The following KIF27 variants were observed in gnomAD, a reference collection of about 807,000 sequenced individuals.
KIF27 encodes kinesin family member 27.
A neutral mutation model predicts 141.8 loss-of-function variants in KIF27; 84 were observed. That is an observed-to-expected ratio of 0.59 (90% CI 0.50 to 0.71). The LOEUF (loss-of-function observed/expected upper bound fraction) is 0.71, where lower values mean the gene tolerates loss of function less well. KIF27 is among the 30% of genes least tolerant of loss of function. The probability of loss-of-function intolerance (pLI) is 0.00; values close to 1 mark genes in which losing one functional copy is unlikely to be tolerated. For missense variants in KIF27, 1,306 were observed against 1,628.4 expected (o/e 0.80, Z 3.41); for synonymous variants, 471 against 569.5 (o/e 0.83, Z 2.46).
At position 83,848,183 on chromosome 9, in the gene KIF27, A is replaced by ATC. The variant is rs796920648; in HGVS notation, c.3556+1915_3556+1916insGA. Among the ~76,000 whole-genome samples, 160 of 38,360 alleles carry ATC rather than the reference A, an allele frequency of 4.2e-3. 32 individuals carry two copies. Among genetic ancestry groups the ATC allele is most frequent in the East Asian group, 0.018 (34 of 1,932 alleles). 25.2% of individuals were successfully genotyped at this position (38,360 alleles called of 152,430 possible). A position where few individuals can be genotyped will look rare whatever the true frequency, so the allele number is the denominator to read the frequency against. The stretch of plus-strand genomic sequence containing the variant: ...ATATGATATATCTGATATATCATAT[A>ATC]TGATATATATGATATATCAGATATG... On this transcript the variant is annotated intron_variant, in intron 16 of 17. Transcript: ENST00000297814.
Position 83,915,378 on chromosome 9 carries a change from G to C in KIF27, c.214C>G (p.Leu72Val). ...NTCIKPLVLS[L>V]IEGYNATVFA... ...ACAGTTGCATTATAGCCCTCAATGA[G>C]TGACAACACTAGGGGCTTTATACAT... The change falls in exon 2 of 18, where the codon CTC becomes GTC. Residue 72 changes from leucine (L) to valine (V), a missense_variant. Coordinates refer to ENST00000297814, the MANE Select transcript of KIF27 (RefSeq NM_017576.4). 6.2e-7 allele frequency: 1 copy of C among 1,613,822 alleles called. No individual in the cohort carries two copies. The highest frequency in any genetic ancestry group is 8.5e-7 in the Non-Finnish European group (1 of 1,179,824).
intron 7 of KIF27, 28 bp from the exon 8 acceptor site, chr9:83,888,620 A>G: frequency 7.4e-7 from 1 of 1,355,376 alleles, no homozygotes; most frequent in South Asian, 1.3e-5. Context: ...AAGTTAACTT[A>G]TTTGTTCGTG....
intron 14 of KIF27, chr9:83,855,035 C>A (rs1361073053): frequency 1.3e-5 from 2 of 152,196 alleles, no homozygotes; most frequent in Admixed American, 1.3e-4. Flanking sequence ...ATGAATATTT[C>A]TTTCTTTTTT....
At chr9:83,853,856 T>C (rs1268617893) in intron 14 of KIF27, 21 bp from the exon 15 acceptor site, 2 of 1,515,334 alleles carry the variant, frequency 1.3e-6, no homozygotes, top group East Asian at 2.3e-5. Flanking sequence ...CAGAAATCAC[T>C]CATTTTAAAT....
Position 83,887,130 on chromosome 9 carries a change from C to T in KIF27, c.2150G>A (p.Arg717His), listed in dbSNP as rs766704130. ...TTTTTGTTTAGCTTCAGTAAGTATG[C>T]GTTCTGAATTCTTTAATTTTTGCAA... is the stretch of plus-strand genomic sequence containing the variant. Reference protein sequence around the residue: ...LNLQKLKNSERILTEAKQKMR... With the variant: ...LNLQKLKNSEHILTEAKQKMR... The change falls in exon 9 of 18, where the codon CGC becomes CAC. Residue 717 changes from arginine (R) to histidine (H), a missense_variant. Arg to His is a conservative substitution (Grantham distance 29). This residue lies in a region of KIF27 where 596 missense variants were observed against 751.6 expected (regional missense o/e 0.79). Transcript: ENST00000297814. The T allele has an allele frequency of 5.6e-6, 9 of 1,598,956 alleles. No homozygotes were observed. The Admixed American group carries it at 7.0e-5, about 12-fold the overall frequency.
At position 83,859,164 on chromosome 9, in the gene KIF27, A is replaced by ATAACACTC. The variant is rs1949598971; in HGVS notation, c.3134_3141dup (p.Ser1048GlufsTer57). On this transcript the variant is annotated frameshift_variant, in exon 14 of 18. Coordinates refer to ENST00000297814, the MANE Select transcript of KIF27 (RefSeq NM_017576.4). LOFTEE classifies it high-confidence loss of function. ...AAAGAATACTGACTTACTTCAGGTG[A>ATAACACTC]TAACACTCTACCATTTTTAAGTTTT... The ATAACACTC allele has an allele frequency of 6.2e-7, 1 of 1,609,704 alleles. No homozygotes were observed. Among genetic ancestry groups the ATAACACTC allele is most frequent in the Non-Finnish European group, 8.5e-7 (1 of 1,176,058 alleles).
intron 5 of KIF27, among the ~76,000 whole-genome samples, chr9:83,894,956 G>C (rs924097665): frequency 6.6e-6 from 1 of 152,026 alleles, no homozygotes; most frequent in Non-Finnish European, 1.5e-5. Context: ...TTAAAAATCA[G>C]ATCAATCGGC....
rs528384293 is a variant in KIF27 at position 83,863,184 on chromosome 9, T to C, written c.2935-3813A>G. 4.8e-3 allele frequency among the ~76,000 whole-genome samples: 731 copies of C among 152,262 alleles called. 2 individuals carry two copies. Among genetic ancestry groups the C allele is most frequent in the Middle Eastern group, 0.02 (6 of 294 alleles). On this transcript the variant is annotated intron_variant, in intron 13 of 17. Coordinates refer to ENST00000297814, the MANE Select transcript of KIF27 (RefSeq NM_017576.4). ...CCCTTTATTTCTTTCTCCTGCCTGA[T>C]TGCCCTGGCCAGAACTTCCAACACT...
intron 3 of KIF27, among the ~76,000 whole-genome samples, chr9:83,906,061 T>C (rs749829809): frequency 2.6e-5 from 4 of 152,222 alleles, no homozygotes; most frequent in Non-Finnish European, 5.9e-5. Flanking sequence ...TCCTGCTTGA[T>C]ATTTTACAAA....
intron 13 of KIF27, chr9:83,863,669 A>G (rs1449022264): frequency 6.6e-6 from 1 of 152,188 alleles, no homozygotes; most frequent in African/African-American, 2.4e-5. Flanking sequence ...AGGCTTTGTT[A>G]TCAGGATGAT....
chr9:83,899,720 G>C lies in KIF27; in HGVS notation c.1543C>G (p.Gln515Glu), dbSNP rs1953660182. ...GATACAGCATGCCCTTTGTTTTCCT[G>C]TACCATCATCTGCACTTGATTCTTC... ...ELKNQVQMMV[Q>E]ENKGHAVSLK... The change falls in exon 5 of 18, where the codon CAG becomes GAG. Residue 515 changes from glutamine to glutamate, a missense_variant. By Grantham distance (29) the Gln-to-Glu change is conservative. This residue lies in a region of KIF27 where 29 missense variants were observed against 60.3 expected (regional missense o/e 0.48). Transcript: ENST00000297814. 6.2e-7 allele frequency: 1 copy of C among 1,613,250 alleles called. No homozygotes were observed. The highest frequency in any genetic ancestry group is 1.7e-5 in the Admixed American group (1 of 59,978).
At chr9:83,860,926 T>C (rs1169305281) in intron 13 of KIF27, among the ~76,000 whole-genome samples, 1 of 151,980 alleles carries the variant, frequency 6.6e-6, no homozygotes, top group Non-Finnish European at 1.5e-5. Context: ...TAGCTTCACA[T>C]TTGATTGTTT....
At chr9:83,890,585 C>T (rs1952581807) in intron 6 of KIF27, among the ~76,000 whole-genome samples, 1 of 152,136 alleles carries the variant, frequency 6.6e-6, no homozygotes, top group Non-Finnish European at 1.5e-5. Context: ...AGTATTCATA[C>T]CACCCAAGGC....
chr9:83,900,965 CATTTATTT>C (rs1953821508), intron 4 of KIF27, among the ~76,000 whole-genome samples: 1 of 151,418 alleles, frequency 6.6e-6, no homozygotes, highest in Non-Finnish European at 1.5e-5. Context: ...TTTATTTATT[CATTTATTT>C]TTAGAGACAG....
At chr9:83,919,070 T>C (rs146626332) in intron 1 of KIF27, among the ~76,000 whole-genome samples, 1 of 151,654 alleles carries the variant, frequency 6.6e-6, no homozygotes, top group East Asian at 1.9e-4. Flanking sequence ...ACCAAGACTG[T>C]CTCAAACAAA....
In KIF27 at chr9:83,903,276, A is replaced by G; in HGVS notation, c.1242T>C (p.Cys414=). The stretch of plus-strand genomic sequence containing the variant: ...CCAGGAAGGTAAAGGCTTCTTCTAC[A>G]CAACACTGGTAACCCAGACATTCTC... The part of the protein sequence containing the change: ...LQGECLGYQC[C]VEEAFTFLVD... Residue 414 remains cysteine, a synonymous_variant, in exon 4 of 18, where the codon TGT becomes TGC. Coordinates refer to ENST00000297814, the MANE Select transcript of KIF27 (RefSeq NM_017576.4). 1 of 1,614,228 alleles carries G rather than the reference A, an allele frequency of 6.2e-7. No individual in the cohort carries two copies. The highest frequency in any genetic ancestry group is 8.5e-7 in the Non-Finnish European group (1 of 1,180,036).
At position 83,883,886 on chromosome 9, in the gene KIF27, G is replaced by C; in HGVS notation, c.2372C>G (p.Ser791Cys). 1 of 1,613,404 alleles carries C rather than the reference G, an allele frequency of 6.2e-7. No homozygotes were observed. The highest frequency in any genetic ancestry group is 8.5e-7 in the Non-Finnish European group (1 of 1,179,548). The part of the protein sequence containing the change: ...QLQELENKDL[S>C]DVAMKVKLQK... ...TAATTTTACCTTCATTGCAACATCAGAAAGATCTTTGTTTTCCAGCTCCTG... is the reference window on the plus strand; with the variant it reads ...TAATTTTACCTTCATTGCAACATCACAAAGATCTTTGTTTTCCAGCTCCTG... The change falls in exon 10 of 18, where the codon TCT becomes TGT. Residue 791 changes from serine (S) to cysteine (C), a missense_variant. By Grantham distance (112) the Ser-to-Cys change is moderately radical (BLOSUM62 -1). This residue lies in a region of KIF27 where 596 missense variants were observed against 751.6 expected (regional missense o/e 0.79). Coordinates refer to ENST00000297814, the MANE Select transcript of KIF27 (RefSeq NM_017576.4).
chr9:83,883,639 A>T (rs901991669), intron 10 of KIF27, among the ~76,000 whole-genome samples, 174 bp downstream of exon 10: 1 of 152,208 alleles, frequency 6.6e-6, no homozygotes, highest in Admixed American at 6.5e-5. Flanking sequence ...ATTAAGAAAT[A>T]TACTACCCAG....
Position 83,848,061 on chromosome 9 carries a change from C to CATATATG in KIF27, c.3556+2037_3556+2038insCATATAT, listed in dbSNP as rs1554764478. Among the ~76,000 whole-genome samples the CATATATG allele has an allele frequency of 9.6e-3, 186 of 19,282 alleles. 57 individuals are homozygous for CATATATG. In the East Asian group the frequency reaches 0.13, roughly 13 times the overall value. The allele number at this position is 19,282 out of a possible 152,430, so 12.6% of individuals were successfully genotyped here. ...TATATATCTACATATATCTATATAT[C>CATATATG]ATATATATGATATATGATATATCAT... is the stretch of plus-strand genomic sequence containing the variant. On this transcript the variant is annotated intron_variant, in intron 16 of 17. Coordinates refer to ENST00000297814, the MANE Select transcript of KIF27 (RefSeq NM_017576.4).
Sources: gnomAD v4.1 joint callset for allele counts (sites outside exome capture counted in the v4.1 genomes callset) on GRCh38, gnomAD v4.1.1 for gene constraint, gnomAD v4.1.1 regional missense constraint, MANE v1.5 for transcripts, NCBI Gene and HGNC (gene_info 2026-07-23, HGNC 2026-07-21) for gene names.